Variants in GPR19 observed in about 807,000 individuals in gnomAD.
The protein encoded by GPR19 is probable G protein-coupled receptor 19.
A neutral mutation model predicts 28.5 loss-of-function variants in GPR19; 14 were observed. The observed-to-expected ratio is 0.49, with a 90% CI of 0.32 to 0.77. The LOEUF is 0.77. Among genes scored for constraint, GPR19 ranks in the 30% least tolerant of loss-of-function variants. GPR19 has a pLI of 0.03. For synonymous variants in GPR19, 173 were observed against 184.1 expected, an observed-to-expected ratio of 0.94 and a Z score of 0.49; for missense variants, 409 against 504.1, an observed-to-expected ratio of 0.81 and a Z score of 1.81.
In GPR19 at chr12:12,661,501, T is replaced by C. The variant is rs746322438; in HGVS notation, c.948A>G (p.Thr316=). The C allele has an allele frequency of 4.3e-6, 7 of 1,612,898 alleles. No homozygotes were observed. The South Asian group carries it at 6.6e-5, about 15-fold the overall frequency. Residue 316 remains threonine, a synonymous_variant, in exon 4 of 4, where the codon ACA becomes ACG. Transcript: ENST00000651487. This position sits in a 1 kb window ranked among gnomAD's most constrained non-coding sequence, Gnocchi z 4.2. The stretch of plus-strand genomic sequence containing the variant: ...AGGCTGAAGAACTAAAGGATATCCA[T>C]GTGATAGCTGTGAAAACAAGGGAAC... ...KKSSLVFTAI[T]WISFSSSASK...
chr12:12,670,726 A>G (rs1945845068), intron 3 of GPR19, among the ~76,000 whole-genome samples: 1 of 152,218 alleles, frequency 6.6e-6, no homozygotes, highest in African/African-American at 2.4e-5. Context: ...TAACCATATT[A>G]CACATCACAT....
intron 3 of GPR19, among the ~76,000 whole-genome samples, chr12:12,669,769 C>A (rs1052117629): frequency 6.6e-6 from 1 of 152,182 alleles, no homozygotes; most frequent in Non-Finnish European, 1.5e-5. Flanking sequence ...GGCAGCCTAT[C>A]CTAAGTCCTG....
chr12:12,684,371 A>G lies in GPR19; in HGVS notation c.-43T>C, dbSNP rs1946063462. The stretch of plus-strand genomic sequence containing the variant: ...CATACCTTCATCCGGACTTGATTTC[A>G]GAGACGTTCTCTTTAGATCTTCTTG... On this transcript the variant is annotated 5_prime_UTR_variant, in exon 3 of 4. Transcript: ENST00000651487. 6.6e-6 allele frequency: 1 copy of G among 152,226 alleles called. No homozygotes were observed. Among genetic ancestry groups the G allele is most frequent in the African/African-American group, 2.4e-5 (1 of 41,442 alleles). 9.4% of individuals were successfully genotyped at this position (152,226 alleles called of 1,614,324 possible). A position where few individuals can be genotyped will look rare whatever the true frequency, so the allele number is the denominator to read the frequency against.
intron 3 of GPR19, among the ~76,000 whole-genome samples, chr12:12,674,640 C>G (rs11055011): frequency 0.056 from 8,471 of 152,178 alleles, 485 homozygotes; most frequent in African/African-American, 0.15. Flanking sequence ...TAGATATCCA[C>G]GTAGAGATAT....
intron 3 of GPR19, among the ~76,000 whole-genome samples, chr12:12,670,450 C>G (rs987693472): frequency 1.3e-5 from 2 of 152,120 alleles, no homozygotes; most frequent in South Asian, 2.1e-4. Context: ...GCTGGGTGAC[C>G]TTGGGCAAGT....
the GPR19 span, among the ~76,000 whole-genome samples, chr12:12,713,057 CTTTTTTTTTTT>C: frequency 3.7e-5 from 4 of 108,068 alleles, no homozygotes; most frequent in African/African-American, 1.1e-4. Flanking sequence ...ATCTGATGCG[CTTTTTTTTTTT>C]TTTTTTTTTT....
At chr12:12,703,106 C>G in the GPR19 span, among the ~76,000 whole-genome samples, 14 of 152,208 alleles carry the variant, frequency 9.2e-5, no homozygotes, top group Admixed American at 8.5e-4. Context: ...TTGTTTGTCT[C>G]TGTAACTCTA....
rs1217742690 is a variant in GPR19, at chr12:12,661,542, G to T, written c.907C>A (p.Gln303Lys). 6 of 1,613,654 alleles carry T rather than the reference G, an allele frequency of 3.7e-6. No homozygotes were observed. In the East Asian group the frequency reaches 6.7e-5, roughly 18 times the overall value. The stretch of plus-strand genomic sequence containing the variant: ...ACAAGGGAACTTTTCTTATAGTCTT[G>T]TTCATGGGGGTGCCATAGCTGAGCT... ...HVAQLWHPHEQDYKKSSLVFT... is the reference protein window; with the variant it reads ...HVAQLWHPHEKDYKKSSLVFT... The change falls in exon 4 of 4, where the codon CAA becomes AAA. Residue 303 changes from glutamine (Q) to lysine (K), a missense_variant. Physicochemically the swap from Gln to Lys is moderately conservative, Grantham distance 53. Transcript: ENST00000651487. The surrounding 1 kb of genome is among the most constrained non-coding windows in gnomAD (Gnocchi z 4.2).
chr12:12,674,400 A>G (rs1566146568), intron 3 of GPR19, among the ~76,000 whole-genome samples: 1 of 152,024 alleles, frequency 6.6e-6, no homozygotes, highest in Non-Finnish European at 1.5e-5. Flanking sequence ...TGATGCTGTG[A>G]TCACACCACT....
chr12:12,676,634 T>C (rs1362360319), intron 3 of GPR19, among the ~76,000 whole-genome samples: 2 of 152,236 alleles, frequency 1.3e-5, no homozygotes. Context: ...AGAAGTGGTC[T>C]GGTCAAAGAG....
At chr12:12,677,909 A>C (rs1945955691) in intron 3 of GPR19, among the ~76,000 whole-genome samples, 1 of 151,768 alleles carries the variant, frequency 6.6e-6, no homozygotes, top group African/African-American at 2.4e-5. Context: ...CCCCATCTCT[A>C]CTAAAAATAT....
upstream of GPR19, among the ~76,000 whole-genome samples, chr12:12,697,228 A>G (rs896478623): frequency 2.0e-5 from 3 of 150,630 alleles, no homozygotes; most frequent in African/African-American, 7.3e-5. Context: ...GCATTAACCC[A>G]AGAAAGCACA....
chr12:12,716,769 A>T, the GPR19 span: 37 of 985,234 alleles, frequency 3.8e-5, no homozygotes, highest in Non-Finnish European at 4.5e-5. Context: ...GATGGCAGAA[A>T]CTTCTGGGTT....
intron 3 of GPR19, among the ~76,000 whole-genome samples, chr12:12,681,078 G>GTTTTTT (rs1017081271): frequency 6.4e-4 from 97 of 152,270 alleles, no homozygotes; most frequent in Middle Eastern, 3.4e-3. Flanking sequence ...GATTACAGGC[G>GTTTTTT]TGAGTTATGG....
chr12:12,680,592 A>C (rs1026202441), intron 3 of GPR19, among the ~76,000 whole-genome samples: 1 of 151,166 alleles, frequency 6.6e-6, no homozygotes, highest in African/African-American at 2.4e-5. Flanking sequence ...CTGCACCCTC[A>C]ACCTCCCAGG....
intron 3 of GPR19, among the ~76,000 whole-genome samples, chr12:12,667,648 GCCAC>G (rs1945802219): frequency 6.7e-6 from 1 of 149,710 alleles, no homozygotes; most frequent in Non-Finnish European, 1.5e-5. Flanking sequence ...CTGAGATCAC[GCCAC>G]TGCACTCCAG....
At chr12:12,703,767 T>C in the GPR19 span, among the ~76,000 whole-genome samples, 1 of 152,182 alleles carries the variant, frequency 6.6e-6, no homozygotes, top group South Asian at 2.1e-4. Flanking sequence ...TGGAAGGGGC[T>C]ATAGACTGTA....
the GPR19 span, among the ~76,000 whole-genome samples, chr12:12,702,437 C>T: frequency 1.1e-4 from 16 of 152,046 alleles, no homozygotes; most frequent in Non-Finnish European, 2.2e-4. Context: ...CAAAGTCAGG[C>T]TAAACATGTT....
chr12:12,683,183 T>A (rs769271342), intron 3 of GPR19, among the ~76,000 whole-genome samples: 3 of 152,120 alleles, frequency 2.0e-5, no homozygotes, highest in Non-Finnish European at 2.9e-5. Context: ...TAACATAGCG[T>A]TTTACTACAG....
Sources: allele counts gnomAD v4.1 joint callset (sites outside exome capture counted in the v4.1 genomes callset), GRCh38; gene constraint gnomAD v4.1.1; non-coding constraint Gnocchi (gnomAD v3.1); transcripts MANE v1.5; gene names NCBI Gene and HGNC (gene_info 2026-07-23, HGNC 2026-07-21).